Variants in SLC4A10 observed in about 807,000 individuals in gnomAD.
SLC4A10 encodes the protein solute carrier family 4 member 10.
Under a neutral mutation model 137.7 loss-of-function variants are expected in SLC4A10, and 42 were observed. The observed-to-expected ratio is 0.30, with a 90% CI of 0.24 to 0.39. The LOEUF (loss-of-function observed/expected upper bound fraction) is 0.39. SLC4A10 is among the 10% of genes least tolerant of loss of function. The probability of loss-of-function intolerance (pLI) is 1.00; values close to 1 mark genes in which losing one functional copy is unlikely to be tolerated. For synonymous variants in SLC4A10, 474 were observed against 464.1 expected (o/e 1.02, Z -0.27); for missense variants, 925 against 1,355.0 (o/e 0.68, Z 4.98).
chr2:161,958,757 C>A (rs1361484576), intron 21 of SLC4A10, among the ~76,000 whole-genome samples: 1 of 152,134 alleles, frequency 6.6e-6, no homozygotes, highest in African/African-American at 2.4e-5. Context: ...TGGTACTTTT[C>A]TTTATCATAA....
At chr2:161,629,381 A>G (rs1268488979) in intron 1 of SLC4A10, among the ~76,000 whole-genome samples, 5 of 151,100 alleles carry the variant, frequency 3.3e-5, no homozygotes, top group Non-Finnish European at 7.4e-5. Context: ...CTTTTATGGA[A>G]TTATATGTAT....
intron 15 of SLC4A10, among the ~76,000 whole-genome samples, chr2:161,906,917 G>A (rs1051259828): frequency 6.6e-5 from 10 of 151,936 alleles, no homozygotes; most frequent in Admixed American, 2.6e-4. Flanking sequence ...TTAGCCAGGC[G>A]TGGTGGCGGG....
At chr2:161,663,365 T>G (rs1346563035) in intron 1 of SLC4A10, among the ~76,000 whole-genome samples, 1 of 152,154 alleles carries the variant, frequency 6.6e-6, no homozygotes, top group Non-Finnish European at 1.5e-5. Context: ...TTTGATGATT[T>G]GGGGCTATAT....
At chr2:161,922,702 C>A (rs1410630046) in intron 15 of SLC4A10, among the ~76,000 whole-genome samples, 1 of 151,874 alleles carries the variant, frequency 6.6e-6, no homozygotes, top group Non-Finnish European at 1.5e-5. Flanking sequence ...TGAGAGATAC[C>A]TTTTTCTTTT....
At chr2:161,872,494 T>C in intron 7 of SLC4A10, 110 bp downstream of exon 7, 1 of 741,184 alleles carries the variant, frequency 1.3e-6, no homozygotes. Context: ...TTGTTTCTTG[T>C]CAAAGCTTGA....
intron 3 of SLC4A10, among the ~76,000 whole-genome samples, chr2:161,813,418 A>T (rs2056743790): frequency 6.6e-6 from 1 of 152,126 alleles, no homozygotes; most frequent in African/African-American, 2.4e-5. Context: ...AAAGTACTCT[A>T]GGTATCCTGC....
chr2:161,939,596 C>T (rs1559582006), intron 15 of SLC4A10, among the ~76,000 whole-genome samples: 1 of 152,070 alleles, frequency 6.6e-6, no homozygotes, highest in Non-Finnish European at 1.5e-5. Flanking sequence ...TAATTCTCAC[C>T]TTTCCTCCCA....
chr2:161,758,960 G>A (rs115498708), intron 1 of SLC4A10, among the ~76,000 whole-genome samples: 1 of 151,822 alleles, frequency 6.6e-6, no homozygotes, highest in African/African-American at 2.4e-5. Flanking sequence ...AAAATTTCAA[G>A]TATTTTACAA....
At chr2:161,851,053 A>G (rs964556835) in intron 4 of SLC4A10, among the ~76,000 whole-genome samples, 3 of 151,934 alleles carry the variant, frequency 2.0e-5, no homozygotes, top group African/African-American at 7.3e-5. Flanking sequence ...TTATATTTTT[A>G]CTGCATTGTG....
chr2:161,956,280 G>A (rs192090783), intron 19 of SLC4A10, among the ~76,000 whole-genome samples: 47 of 152,240 alleles, frequency 3.1e-4, no homozygotes, highest in African/African-American at 1.1e-3. Flanking sequence ...AGGCACAAGA[G>A]CTTAAGTGAT....
At chr2:161,779,536 AT>A (rs1172535485) in intron 2 of SLC4A10, among the ~76,000 whole-genome samples, 7 of 152,146 alleles carry the variant, frequency 4.6e-5, no homozygotes, top group Admixed American at 2.6e-4. Context: ...TCTAACTAGA[AT>A]TATTGTAATT....
At chr2:161,774,400 T>C (rs1162100768) in intron 2 of SLC4A10, among the ~76,000 whole-genome samples, 1 of 151,940 alleles carries the variant, frequency 6.6e-6, no homozygotes, top group Non-Finnish European at 1.5e-5. Context: ...ATTTATTATT[T>C]TTTATTTGCT....
At chr2:161,794,216 T>C (rs530141639) in intron 2 of SLC4A10, among the ~76,000 whole-genome samples, 220 of 152,158 alleles carry the variant, frequency 1.4e-3, no homozygotes, top group African/African-American at 5.1e-3. Flanking sequence ...AAAATTCCTG[T>C]AAACTGTGGA....
intron 1 of SLC4A10, among the ~76,000 whole-genome samples, chr2:161,645,947 G>C (rs780164476): frequency 2.6e-5 from 4 of 151,966 alleles, no homozygotes; most frequent in Non-Finnish European, 5.9e-5. Flanking sequence ...GTCTAAAAAG[G>C]TGATCATATA....
rs76337482 is a variant in SLC4A10, at chr2:161,853,157, C to T, written c.417-1813C>T. Among the ~76,000 whole-genome samples the T allele has an allele frequency of 2.4e-3, 361 of 152,168 alleles. 1 individual carries two copies. The highest frequency in any genetic ancestry group is 8.0e-3 in the African/African-American group (334 of 41,524). ...AGGATTTTTATGCTGATATGATTAA[C>T]GAAAATGGTGATCTATGTCAGTTGG... On this transcript the variant is annotated intron_variant, in intron 4 of 26. Transcript: ENST00000446997.
At chr2:161,925,566 AT>A (rs1413325790) in intron 15 of SLC4A10, among the ~76,000 whole-genome samples, 9 of 151,812 alleles carry the variant, frequency 5.9e-5, no homozygotes, top group African/African-American at 2.2e-4. Flanking sequence ...TTCTGCTCTG[AT>A]TTTAGTTATT....
intron 3 of SLC4A10, among the ~76,000 whole-genome samples, chr2:161,817,226 G>A (rs1229382052): frequency 3.7e-4 from 56 of 152,256 alleles, no homozygotes; most frequent in African/African-American, 1.3e-3. Flanking sequence ...TTCTCTGATG[G>A]CCAGTGATGA....
chr2:161,853,211 C>T (rs2059924746), intron 4 of SLC4A10, among the ~76,000 whole-genome samples: 3 of 152,028 alleles, frequency 2.0e-5, no homozygotes, highest in African/African-American at 7.2e-5. Context: ...ATAAAAAATA[C>T]CCTGCAATCT....
intron 14 of SLC4A10, among the ~76,000 whole-genome samples, chr2:161,905,318 C>G (rs1013490995): frequency 2.0e-5 from 3 of 152,198 alleles, no homozygotes; most frequent in African/African-American, 7.2e-5. Context: ...AGCACACAAT[C>G]TAGATTCCTC....
Sources: gnomAD v4.1 joint callset for allele counts (sites outside exome capture counted in the v4.1 genomes callset) on GRCh38, gnomAD v4.1.1 for gene constraint, MANE v1.5 for transcripts, NCBI Gene and HGNC (gene_info 2026-07-23, HGNC 2026-07-21) for gene names.